Variants in RSF1 observed in about 807,000 individuals in gnomAD.
RSF1 encodes the protein remodeling and spacing factor 1, also known as HBV pX-associated protein 8.
RSF1 carries 13 observed loss-of-function variants against 145.2 expected under a neutral mutation model. The observed-to-expected ratio is 0.09, with a 90% confidence interval of 0.06 to 0.14. RSF1 has a LOEUF of 0.14. Ranked by LOEUF, RSF1 falls within the 10% of genes least tolerant of loss-of-function variation. RSF1 has a pLI of 1.00. For missense variants in RSF1, 1,517 were observed against 1,718.2 expected (o/e 0.88, Z 2.07); for synonymous variants, 577 against 592.6 (o/e 0.97, Z 0.38).
Position 77,727,692 on chromosome 11 carries a change from C to T in RSF1, c.579-1993G>A, listed in dbSNP as rs908087297. On this transcript the variant is annotated intron_variant, in intron 4 of 15. Coordinates refer to ENST00000308488, the MANE Select transcript of RSF1 (RefSeq NM_016578.4). Reference sequence around the variant, plus strand: ...ATGAGGTTTCACCATGTTGGTCAGGCTAGTCTCGAACTCCTGACCTCAAGT... The same window carrying T: ...ATGAGGTTTCACCATGTTGGTCAGGTTAGTCTCGAACTCCTGACCTCAAGT... Among the ~76,000 whole-genome samples, 9 of 152,114 alleles carry T rather than the reference C, an allele frequency of 5.9e-5. No homozygotes were observed. In the East Asian group the frequency reaches 1.7e-3, roughly 29 times the overall value.
chr11:77,683,687 A>G (rs781602313), intron 11 of RSF1, 23 bp downstream of exon 11: 2 of 1,495,842 alleles, frequency 1.3e-6, no homozygotes, highest in Non-Finnish European at 1.9e-6. Flanking sequence ...CTTTTGCTGT[A>G]GACATTTCCA....
intron 4 of RSF1, chr11:77,734,714 A>T (rs1590857433): frequency 1.4e-6 from 2 of 1,442,154 alleles, no homozygotes. Context: ...TCCAAATGTA[A>T]TGCACACTCC....
At chr11:77,690,507 G>A (rs1478025226) in intron 9 of RSF1, among the ~76,000 whole-genome samples, 1 of 152,150 alleles carries the variant, frequency 6.6e-6, no homozygotes, top group Non-Finnish European at 1.5e-5. Context: ...AGGCTGCAGT[G>A]CAGTGGCGTG....
chr11:77,674,221 A>T (rs557854324), intron 14 of RSF1, among the ~76,000 whole-genome samples: 2 of 152,358 alleles, frequency 1.3e-5, no homozygotes, highest in Admixed American at 1.3e-4. Context: ...AAAAAAACCC[A>T]CAAGGATGGC....
At position 77,672,063 on chromosome 11, in the gene RSF1, G is replaced by A. The variant is rs1959569138; in HGVS notation, c.3730C>T (p.Leu1244Phe). The A allele has an allele frequency of 1.2e-6, 2 of 1,612,746 alleles. No homozygotes were observed. Among genetic ancestry groups the A allele is most frequent in the South Asian group, 1.1e-5 (1 of 90,576 alleles). ...TTACCTTCACTCTCTGAGCTGGAAAGTCTTCGCTTGTGTACTCGCCTTATT... is the reference window on the plus strand; with the variant it reads ...TTACCTTCACTCTCTGAGCTGGAAAATCTTCGCTTGTGTACTCGCCTTATT... The part of the protein sequence containing the change: ...KEIRRVHKRR[L>F]SSSESEESYL... The change falls in exon 15 of 16, where the codon CTT (leucine) becomes TTT (phenylalanine). Residue 1244 changes from leucine to phenylalanine, a missense_variant. By Grantham distance (22) the Leu-to-Phe change is conservative (BLOSUM62 0). Transcript: ENST00000308488.
intron 6 of RSF1, 59 bp downstream of exon 6, chr11:77,700,662 A>T: frequency 7.6e-7 from 1 of 1,323,892 alleles, no homozygotes; most frequent in South Asian, 1.6e-5. Flanking sequence ...AGACAAAACC[A>T]AAAAACCTAT....
chr11:77,728,897 T>A (rs1961127437), intron 4 of RSF1, among the ~76,000 whole-genome samples: 1 of 151,846 alleles, frequency 6.6e-6, no homozygotes, highest in Non-Finnish European at 1.5e-5. Flanking sequence ...TTATATATAT[T>A]TTACAAAAAA....
chr11:77,667,181 T>C lies in RSF1; in HGVS notation c.4062A>G (p.Val1354=). ...AGTCCAATGGGCTCCCCACTTTGCC[T>C]ACATTTTCAAAGTCCTCTTCCTCAT... is the stretch of plus-strand genomic sequence containing the variant. ...ESDEEEDFEN[V]GKVGSPLDYS... The change falls in exon 16 of 16, where the codon GTA becomes GTG. Residue 1354 remains valine (V), a synonymous_variant. Transcript: ENST00000308488. 1 of 1,614,228 alleles carries C rather than the reference T, an allele frequency of 6.2e-7. No individual in the cohort carries two copies. Among genetic ancestry groups the C allele is most frequent in the Non-Finnish European group, 8.5e-7 (1 of 1,180,040 alleles).
At chr11:77,689,638 C>A (rs565165438) in intron 9 of RSF1, among the ~76,000 whole-genome samples, 1 of 152,244 alleles carries the variant, frequency 6.6e-6, no homozygotes, top group South Asian at 2.1e-4. Flanking sequence ...TATTATTGGT[C>A]TGTACTATAT....
intron 2 of RSF1, among the ~76,000 whole-genome samples, chr11:77,748,234 T>C (rs1948023520): frequency 1.3e-5 from 2 of 150,952 alleles, no homozygotes; most frequent in Non-Finnish European, 3.0e-5. Flanking sequence ...TTTTTCTTTT[T>C]TTTTTTTTGG....
chr11:77,714,936 T>C (rs540078009), intron 5 of RSF1, among the ~76,000 whole-genome samples: 9 of 152,100 alleles, frequency 5.9e-5, no homozygotes, highest in African/African-American at 1.9e-4. Flanking sequence ...CTGGGCAACA[T>C]AGCAAGACCT....
At chr11:77,755,018 G>A (rs887274877) in intron 2 of RSF1, among the ~76,000 whole-genome samples, 2 of 152,142 alleles carry the variant, frequency 1.3e-5, no homozygotes, top group Non-Finnish European at 2.9e-5. Flanking sequence ...GAGGAAAGTG[G>A]CAAAAGATAT....
At chr11:77,806,054 C>T (rs927858228) in intron 1 of RSF1, among the ~76,000 whole-genome samples, 17 of 152,178 alleles carry the variant, frequency 1.1e-4, no homozygotes, top group African/African-American at 4.1e-4. Context: ...CCAACTTTCT[C>T]ACAATAGGAA....
At position 77,660,279 on chromosome 11, in the gene RSF1, T is replaced by C. The variant is rs543756217; in HGVS notation, c.*6638A>G. The stretch of plus-strand genomic sequence containing the variant: ...TTTAAACAACTATGCACTGCAATTC[T>C]AACACACTAGGTGTTCATACACTGA... On this transcript the variant is annotated 3_prime_UTR_variant, in exon 16 of 16. Transcript: ENST00000308488. The C allele has an allele frequency of 4.6e-5, 7 of 152,350 alleles. No homozygotes were observed. The highest frequency in any genetic ancestry group is 7.2e-5 in the African/African-American group (3 of 41,592). 9.4% of individuals were successfully genotyped at this position (152,350 alleles called of 1,614,324 possible). A position where few individuals can be genotyped will look rare whatever the true frequency, so the allele number is the denominator to read the frequency against.
chr11:77,828,821 T>A, the RSF1 span, among the ~76,000 whole-genome samples: 2 of 152,330 alleles, frequency 1.3e-5, no homozygotes, highest in East Asian at 1.9e-4. Flanking sequence ...ATTCCACAGA[T>A]TCACTCTCCA....
chr11:77,697,543 T>TTA (rs1554986685), intron 7 of RSF1, among the ~76,000 whole-genome samples: 2 of 136,568 alleles, frequency 1.5e-5, no homozygotes, highest in Non-Finnish European at 3.1e-5. Context: ...AATATATATA[T>TTA]TATATATATA....
At chr11:77,797,064 C>T (rs1160187759) in intron 1 of RSF1, among the ~76,000 whole-genome samples, 4 of 152,234 alleles carry the variant, frequency 2.6e-5, no homozygotes, top group South Asian at 2.1e-4. Flanking sequence ...GAATCAATAC[C>T]GTGAAAATGG....
chr11:77,703,593 T>C (rs1002479589), intron 5 of RSF1: 4 of 152,216 alleles, frequency 2.6e-5, no homozygotes, highest in African/African-American at 9.6e-5. Context: ...AAGCAGGATA[T>C]GTTTTTTGAA....
At chr11:77,797,458 T>C (rs1284347216) in intron 1 of RSF1, among the ~76,000 whole-genome samples, 1 of 152,172 alleles carries the variant, frequency 6.6e-6, no homozygotes, top group African/African-American at 2.4e-5. Flanking sequence ...TGGCTAGCCA[T>C]ATGCAGAAAA....
Sources: allele counts gnomAD v4.1 joint callset (sites outside exome capture counted in the v4.1 genomes callset), GRCh38; gene constraint gnomAD v4.1.1; transcripts MANE v1.5; gene names NCBI Gene and HGNC (gene_info 2026-07-23, HGNC 2026-07-21).